Variants in TRUB2 observed in about 807,000 individuals in gnomAD.
TRUB2 encodes TruB pseudouridine synthase family member 2, also known as pseudouridylate synthase TRUB2, mitochondrial.
TRUB2 carries 31 observed loss-of-function variants against 31.9 expected under a neutral mutation model. The ratio of observed to expected loss-of-function variants is 0.97; its 90% CI spans 0.73 to 1.31. The LOEUF is 1.31. Among genes scored for constraint, TRUB2 ranks in the 50% most tolerant of loss-of-function variants. The pLI is 0.00. For synonymous variants in TRUB2, 201 were observed against 182.6 expected, an observed-to-expected ratio of 1.10 and a Z score of -0.81; for missense variants, 451 against 439.6, an observed-to-expected ratio of 1.03 and a Z score of -0.23.
At chr9:128,315,757 G>C in intron 3 of TRUB2, 129 bp from the exon 4 acceptor site, 2 of 1,051,044 alleles carry the variant, frequency 1.9e-6, no homozygotes, top group Non-Finnish European at 2.8e-6. Context: ...AAGGCAAAAA[G>C]ATCTTCTACA....
Position 128,310,887 on chromosome 9 carries a change from C to T in TRUB2, c.670G>A (p.Glu224Lys). The T allele has an allele frequency of 1.2e-6, 2 of 1,614,162 alleles. No individual in the cohort carries two copies. The highest frequency in any genetic ancestry group is 8.5e-7 in the Non-Finnish European group (1 of 1,179,996). ...GCTCCAACTTCCTTGGCCAACCTAC[C>T]TAAGAGGAATTCCGGAGGTGCAAAG... Reference protein sequence around the residue: ...LYFAPPEFLLEVQCMHETQKE... With the variant: ...LYFAPPEFLLKVQCMHETQKE... Residue 224 changes from glutamate to lysine, a missense_variant and splice_region_variant, in exon 7 of 8, where the codon GAG (glutamate) becomes AAG (lysine). Glu to Lys is a moderately conservative substitution (Grantham distance 56). Coordinates refer to ENST00000372890, the MANE Select transcript of TRUB2 (RefSeq NM_015679.3).
At position 128,315,419 on chromosome 9, in the gene TRUB2, T is replaced by C. The variant is rs1832049643; in HGVS notation, c.378+148A>G. ...TGGTAGTTATTATTGTTATTATTAT[T>C]ACAGCCCCTGCACAGCACACGATCA... On this transcript the variant is annotated intron_variant, in intron 4 of 7. Coordinates refer to ENST00000372890, the MANE Select transcript of TRUB2 (RefSeq NM_015679.3). 7.4e-6 allele frequency: 5 copies of C among 676,734 alleles called. No individual in the cohort carries two copies. The Admixed American group carries it at 1.0e-4, about 14-fold the overall frequency. 41.9% of individuals were successfully genotyped at this position (676,734 alleles called of 1,614,324 possible).
At chr9:128,321,908 T>C (rs1011819887) in intron 1 of TRUB2, among the ~76,000 whole-genome samples, 178 bp from the exon 2 acceptor site, 11 of 151,922 alleles carry the variant, frequency 7.2e-5, no homozygotes, top group African/African-American at 2.7e-4. Context: ...GCCTCCAGAG[T>C]AGCTGGGATT....
intron 6 of TRUB2, chr9:128,311,270 G>T: frequency 1.6e-6 from 1 of 623,090 alleles, no homozygotes; most frequent in Non-Finnish European, 2.8e-6. Flanking sequence ...CCAATGATGT[G>T]GTCCCTGGTT....
intron 3 of TRUB2, 72 bp downstream of exon 3, chr9:128,317,080 T>C (rs1362185081): frequency 1.4e-6 from 2 of 1,392,536 alleles, no homozygotes; most frequent in Non-Finnish European, 2.0e-6. Flanking sequence ...AGAAGTGGGC[T>C]GGGCTCCTGG....
intron 7 of TRUB2, 145 bp downstream of exon 7, chr9:128,310,742 C>A (rs1831952904): frequency 8.7e-7 from 1 of 1,143,742 alleles, no homozygotes; most frequent in Non-Finnish European, 1.2e-6. Flanking sequence ...AAGTCGGCAC[C>A]TGATGCCTTG....
intron 3 of TRUB2, 131 bp downstream of exon 3, chr9:128,317,021 G>A: frequency 1.3e-6 from 1 of 767,938 alleles, no homozygotes; most frequent in Non-Finnish European, 2.1e-6. Flanking sequence ...ATCAGCCTTG[G>A]GGCAGGAATC....
rs756535190 is a variant in TRUB2, at chr9:128,309,601, G to A, written c.945C>T (p.Asp315=). 7 of 1,613,764 alleles carry A rather than the reference G, an allele frequency of 4.3e-6. No homozygotes were observed. Among genetic ancestry groups the A allele is most frequent in the Non-Finnish European group, 5.1e-6 (6 of 1,179,944 alleles). The change falls in exon 8 of 8, where the codon GAC becomes GAT. Residue 315 remains aspartate, a synonymous_variant. Transcript: ENST00000372890. Reference sequence around the variant, plus strand: ...CCAAGGTAGAGCTCGGGCCCTGGGAGTCCCAGGACCATCCCGGACTGGGGA... The same window carrying A: ...CCAAGGTAGAGCTCGGGCCCTGGGAATCCCAGGACCATCCCGGACTGGGGA... ...KQLPSPGWSW[D]SQGPSSTLGL...
rs372288846 is a variant in TRUB2, at chr9:128,307,947, A to T, written c.*1603T>A. 1 of 151,940 alleles carries T rather than the reference A, an allele frequency of 6.6e-6. No homozygotes were observed. Among genetic ancestry groups the T allele is most frequent in the East Asian group, 1.9e-4 (1 of 5,154 alleles). 9.4% of individuals were successfully genotyped at this position (151,940 alleles called of 1,614,324 possible). ...TGTGGTGGCTCATGCCTGCCATCCC[A>T]GTGCTTTGGGAGGCAGAGGTTGGCA... On this transcript the variant is annotated 3_prime_UTR_variant, in exon 8 of 8. Transcript: ENST00000372890.
rs990525225 is a variant in TRUB2, at chr9:128,308,673, C to G, written c.*877G>C. 1 of 152,192 alleles carries G rather than the reference C, an allele frequency of 6.6e-6. No homozygotes were observed. Among genetic ancestry groups the G allele is most frequent in the African/African-American group, 2.4e-5 (1 of 41,438 alleles). 9.4% of individuals were successfully genotyped at this position (152,192 alleles called of 1,614,324 possible). A position where few individuals can be genotyped will look rare whatever the true frequency, so the allele number is the denominator to read the frequency against. On this transcript the variant is annotated 3_prime_UTR_variant, in exon 8 of 8. Coordinates refer to ENST00000372890, the MANE Select transcript of TRUB2 (RefSeq NM_015679.3). ...TTAAGAGAAAAGACTGAGGTCCCGG[C>G]CAGGTGCGGTGGCTCACGCCTGTAA...
In TRUB2 at chr9:128,313,841, C is replaced by T. The variant is rs1832022107; in HGVS notation, c.427G>A (p.Glu143Lys). 2 of 1,614,140 alleles carry T rather than the reference C, an allele frequency of 1.2e-6. No individual in the cohort carries two copies. Among genetic ancestry groups the T allele is most frequent in the Admixed American group, 1.7e-5 (1 of 60,008 alleles). ...GTCTTCTCTACCAGCCTCCCGTCCTCACGGAAGTCATCTGTAGCTTTGCCC... is the reference window on the plus strand; with the variant it reads ...GTCTTCTCTACCAGCCTCCCGTCCTTACGGAAGTCATCTGTAGCTTTGCCC... ...LLGKATDDFR[E>K]DGRLVEKTTY... The change falls in exon 5 of 8, where the codon GAG (glutamate) becomes AAG (lysine). Residue 143 changes from glutamate to lysine, a missense_variant. Coordinates refer to ENST00000372890, the MANE Select transcript of TRUB2 (RefSeq NM_015679.3).
rs1831961900 is a variant in TRUB2 at position 128,311,093 on chromosome 9, G to C, written c.534-70C>G. On this transcript the variant is annotated intron_variant, in intron 6 of 7. Coordinates refer to ENST00000372890, the MANE Select transcript of TRUB2 (RefSeq NM_015679.3). Reference sequence around the variant, plus strand: ...TTTCCCCCACATGAGGTGCCTCTCTGGAAGCTCCTCACTTGCTTTGTGTGC... The same window carrying C: ...TTTCCCCCACATGAGGTGCCTCTCTCGAAGCTCCTCACTTGCTTTGTGTGC... 1.9e-6 allele frequency: 3 copies of C among 1,582,106 alleles called. No homozygotes were observed. The Admixed American group carries it at 5.2e-5, about 27-fold the overall frequency.
At chr9:128,316,494 C>T (rs968630836) in intron 3 of TRUB2, 2 of 152,364 alleles carry the variant, frequency 1.3e-5, no homozygotes, top group African/African-American at 4.8e-5. Context: ...GCCTTTCTCC[C>T]GGTCTGTTTC....
At chr9:128,312,358 G>A (rs894902187) in intron 5 of TRUB2, among the ~76,000 whole-genome samples, 2 of 150,238 alleles carry the variant, frequency 1.3e-5, no homozygotes, top group African/African-American at 2.4e-5. Flanking sequence ...GGCTGGTCTC[G>A]AACTCCTGAC....
chr9:128,315,779 C>T (rs1832058498), intron 3 of TRUB2, 151 bp from the exon 4 acceptor site: 2 of 801,046 alleles, frequency 2.5e-6, no homozygotes, highest in Non-Finnish European at 4.1e-6. Flanking sequence ...GGGGCAGGTG[C>T]ACCCCTCTGG....
Position 128,306,175 on chromosome 9 carries a change from T to C in TRUB2, c.*3375A>G, listed in dbSNP as rs1337722462. 1.3e-5 allele frequency: 2 copies of C among 152,246 alleles called. No homozygotes were observed. The highest frequency in any genetic ancestry group is 6.5e-5 in the Admixed American group (1 of 15,278). The allele number at this position is 152,246 out of a possible 1,614,324, so 9.4% of individuals were successfully genotyped here. A position where few individuals can be genotyped will look rare whatever the true frequency, so the allele number is the denominator to read the frequency against. ...ATTCCCAGCTGTCTGAGGCTGTACA[T>C]TGACCAATTATTTTGGCCATGACTC... On this transcript the variant is annotated 3_prime_UTR_variant, in exon 8 of 8. Coordinates refer to ENST00000372890, the MANE Select transcript of TRUB2 (RefSeq NM_015679.3).
intron 4 of TRUB2, 85 bp downstream of exon 4, chr9:128,315,482 A>C: frequency 2.8e-6 from 4 of 1,431,262 alleles, no homozygotes; most frequent in South Asian, 1.2e-5. Flanking sequence ...GTGTTCCCCC[A>C]CGGAATCCTC....
At position 128,308,603 on chromosome 9, in the gene TRUB2, TCCA is replaced by T. The variant is rs989883898; in HGVS notation, c.*944_*946del. The T allele has an allele frequency of 2.0e-5, 3 of 152,110 alleles. No homozygotes were observed. The highest frequency in any genetic ancestry group is 2.1e-4 in the South Asian group (1 of 4,822). 9.4% of individuals were successfully genotyped at this position (152,110 alleles called of 1,614,324 possible). A position where few individuals can be genotyped will look rare whatever the true frequency, so the allele number is the denominator to read the frequency against. ...GGTAGACTTTGAGTCACGCTGATTA[TCCA>T]CCACAATTGTGGGCGGAGCTCATTC... On this transcript the variant is annotated 3_prime_UTR_variant, in exon 8 of 8. Transcript: ENST00000372890.
Position 128,309,000 on chromosome 9 carries a change from A to T in TRUB2, c.*550T>A, listed in dbSNP as rs1330153887. On this transcript the variant is annotated 3_prime_UTR_variant, in exon 8 of 8. Transcript: ENST00000372890. ...GCCATTTGGATTTCTTCTGATACAC[A>T]CTTCATCTCATTTGCCTAATTTTGT... is the stretch of plus-strand genomic sequence containing the variant. 2.0e-5 allele frequency: 3 copies of T among 152,984 alleles called. No homozygotes were observed. Among genetic ancestry groups the T allele is most frequent in the African/African-American group, 7.2e-5 (3 of 41,388 alleles). 9.5% of individuals were successfully genotyped at this position (152,984 alleles called of 1,614,324 possible). A position where few individuals can be genotyped will look rare whatever the true frequency, so the allele number is the denominator to read the frequency against.
Sources: allele counts gnomAD v4.1 joint callset (sites outside exome capture counted in the v4.1 genomes callset), GRCh38; gene constraint gnomAD v4.1.1; transcripts MANE v1.5; gene names NCBI Gene and HGNC (gene_info 2026-07-23, HGNC 2026-07-21).